Variants in HIVEP1 observed in about 807,000 individuals in gnomAD.
HIVEP1 encodes HIVEP zinc finger 1.
A neutral mutation model predicts 180.0 loss-of-function variants in HIVEP1; 36 were observed. The ratio of observed to expected loss-of-function variants is 0.20; its 90% CI spans 0.15 to 0.26. The LOEUF (loss-of-function observed/expected upper bound fraction) is 0.26. HIVEP1 is among the 10% of genes least tolerant of loss of function. HIVEP1 has a pLI of 1.00. For missense variants in HIVEP1, 3,143 were observed against 3,268.7 expected (o/e 0.96, Z 0.94); for synonymous variants, 1,239 against 1,239.0 (o/e 1.00, Z 0.00).
In HIVEP1 at chr6:12,083,604, C is replaced by T. The variant is rs1032063404; in HGVS notation, c.41-5580C>T. Among the ~76,000 whole-genome samples, 5 of 152,080 alleles carry T rather than the reference C, an allele frequency of 3.3e-5. No individual in the cohort carries two copies. The East Asian group carries it at 9.6e-4, about 29-fold the overall frequency. Reference sequence around the variant, plus strand: ...TTGAGGGAGATGTCAGGGAAGGCTGCCTACCAGAGCTGCAGGGGAACAGAC... The same window carrying T: ...TTGAGGGAGATGTCAGGGAAGGCTGTCTACCAGAGCTGCAGGGGAACAGAC... On this transcript the variant is annotated intron_variant, in intron 2 of 8. Coordinates refer to ENST00000379388, the MANE Select transcript of HIVEP1 (RefSeq NM_002114.4).
At chr6:12,141,525 C>A (rs1444535888) in intron 7 of HIVEP1, among the ~76,000 whole-genome samples, 1 of 151,614 alleles carries the variant, frequency 6.6e-6, no homozygotes, top group Non-Finnish European at 1.5e-5. Context: ...ACAATATTAA[C>A]CTTTAATGTA....
the HIVEP1 span, among the ~76,000 whole-genome samples, chr6:12,182,251 A>G: frequency 5.9e-5 from 9 of 152,332 alleles, no homozygotes; most frequent in African/African-American, 2.2e-4. Flanking sequence ...TTTATGTGTG[A>G]TATCAGTACC....
intron 2 of HIVEP1, among the ~76,000 whole-genome samples, chr6:12,048,454 G>A (rs1333401396): frequency 6.6e-6 from 1 of 152,074 alleles, no homozygotes; most frequent in Non-Finnish European, 1.5e-5. Context: ...GCAATTCTTG[G>A]CCTTCCAACC....
intron 2 of HIVEP1, among the ~76,000 whole-genome samples, chr6:12,087,876 G>A (rs139786616): frequency 6.6e-6 from 1 of 152,138 alleles, no homozygotes; most frequent in African/African-American, 2.4e-5. Flanking sequence ...CTGATAATTC[G>A]CAGGAAGCAA....
chr6:12,136,067 C>T (rs533647834), intron 7 of HIVEP1, among the ~76,000 whole-genome samples, 175 bp downstream of exon 7: 299 of 152,278 alleles, frequency 2.0e-3, no homozygotes, highest in Non-Finnish European at 3.5e-3. Context: ...CTTCCTCCTT[C>T]CTATTCATCT....
intron 2 of HIVEP1, among the ~76,000 whole-genome samples, chr6:12,020,890 CTTTTTTTT>C (rs70981658): frequency 9.5e-6 from 1 of 105,778 alleles, no homozygotes; most frequent in Non-Finnish European, 1.8e-5. Flanking sequence ...TTCTTTCTTT[CTTTTTTTT>C]TTTTTTTTTT....
the HIVEP1 span, among the ~76,000 whole-genome samples, chr6:12,203,471 C>T: frequency 1.3e-5 from 2 of 152,152 alleles, no homozygotes; most frequent in Admixed American, 6.5e-5. Flanking sequence ...ATTGTCAAGC[C>T]AAAATGCATT....
At position 12,063,961 on chromosome 6, in the gene HIVEP1, G is replaced by T. The variant is rs956387393; in HGVS notation, c.41-25223G>T. On this transcript the variant is annotated intron_variant, in intron 2 of 8. Coordinates refer to ENST00000379388, the MANE Select transcript of HIVEP1 (RefSeq NM_002114.4). This position sits in a 1 kb window ranked among gnomAD's most constrained non-coding sequence, Gnocchi z 4.2. ...TGATTTGCCTTGGTTTGAAGATTAG[G>T]TGTGATCTTGGAAAATGAGAGACCT... Among the ~76,000 whole-genome samples, 9 of 152,144 alleles carry T rather than the reference G, an allele frequency of 5.9e-5. No individual in the cohort carries two copies. Among genetic ancestry groups the T allele is most frequent in the African/African-American group, 2.2e-4 (9 of 41,426 alleles).
intron 2 of HIVEP1, among the ~76,000 whole-genome samples, chr6:12,037,477 A>G (rs76964887): frequency 0.017 from 2,602 of 152,246 alleles, 52 homozygotes; most frequent in African/African-American, 0.05. Context: ...CTGACTCCCA[A>G]TCTGTGAAAC....
intron 2 of HIVEP1, among the ~76,000 whole-genome samples, chr6:12,075,556 A>G (rs1425908089): frequency 6.7e-6 from 1 of 150,164 alleles, no homozygotes; most frequent in African/African-American, 2.4e-5. Flanking sequence ...TGAGTTTGGT[A>G]ATCTTTCAGT....
At chr6:12,010,377 A>C (rs1370638535), upstream of HIVEP1, among the ~76,000 whole-genome samples, 1 of 152,138 alleles carries the variant, frequency 6.6e-6, no homozygotes, top group Admixed American at 6.5e-5. Flanking sequence ...ATTTTTAATC[A>C]TTCCCATTCT....
At chr6:12,128,799 T>G (rs531901850) in intron 4 of HIVEP1, among the ~76,000 whole-genome samples, 1 of 152,366 alleles carries the variant, frequency 6.6e-6, no homozygotes, top group South Asian at 2.1e-4. Context: ...ATTTTGATTT[T>G]GACGTTCGTT....
chr6:12,101,280 T>C (rs1221736459), intron 3 of HIVEP1, among the ~76,000 whole-genome samples: 1 of 152,066 alleles, frequency 6.6e-6, no homozygotes, highest in African/African-American at 2.4e-5. Context: ...AAGGTTAGTA[T>C]AACAAATACT....
At chr6:12,185,351 G>T in the HIVEP1 span, among the ~76,000 whole-genome samples, 1 of 152,222 alleles carries the variant, frequency 6.6e-6, no homozygotes, top group Admixed American at 6.5e-5. Flanking sequence ...GGAAAAAGCT[G>T]CACGGAAGCG....
At chr6:12,186,687 A>G in the HIVEP1 span, among the ~76,000 whole-genome samples, 1 of 152,204 alleles carries the variant, frequency 6.6e-6, no homozygotes, top group Admixed American at 6.5e-5. Flanking sequence ...CCAAACTCTC[A>G]GCAACATAGC....
chr6:12,032,488 G>A (rs983575483), intron 2 of HIVEP1, among the ~76,000 whole-genome samples: 1 of 152,108 alleles, frequency 6.6e-6, no homozygotes, highest in African/African-American at 2.4e-5. Flanking sequence ...GTGTGGTTTA[G>A]TGGGGGAAAA....
intron 7 of HIVEP1, among the ~76,000 whole-genome samples, chr6:12,140,193 C>CCT (rs956150687): frequency 1.3e-5 from 2 of 152,210 alleles, no homozygotes; most frequent in Non-Finnish European, 2.9e-5. Context: ...TGTTCTTCAG[C>CCT]CTCTGCTGGT....
intron 2 of HIVEP1, among the ~76,000 whole-genome samples, chr6:12,034,332 C>T (rs1048703679): frequency 8.5e-5 from 13 of 152,108 alleles, no homozygotes; most frequent in Middle Eastern, 3.2e-3. Flanking sequence ...TTTTGGCAAC[C>T]GAATCTATGA....
Position 12,125,243 on chromosome 6 carries a change from T to C in HIVEP1, c.5448T>C (p.Asp1816=). Residue 1816 remains aspartate (D), a synonymous_variant, in exon 4 of 9, where the codon GAT becomes GAC. Coordinates refer to ENST00000379388, the MANE Select transcript of HIVEP1 (RefSeq NM_002114.4). ...EPLDGVMLEK[D]VFSQPEISNE... is the part of the protein sequence containing the mutation. ...TGGACGGTGTGATGTTGGAAAAGGA[T>C]GTTTTTTCTCAACCTGAAATTAGTA... 6.2e-7 allele frequency: 1 copy of C among 1,614,198 alleles called. No individual in the cohort carries two copies. Among genetic ancestry groups the C allele is most frequent in the Non-Finnish European group, 8.5e-7 (1 of 1,180,032 alleles).
Sources: gnomAD v4.1 joint callset for allele counts (sites outside exome capture counted in the v4.1 genomes callset) on GRCh38, gnomAD v4.1.1 for gene constraint, Gnocchi (gnomAD v3.1) non-coding constraint, MANE v1.5 for transcripts, NCBI Gene and HGNC (gene_info 2026-07-23, HGNC 2026-07-21) for gene names.